Variants in TBCEL observed in about 807,000 individuals in gnomAD.
TBCEL encodes tubulin-specific chaperone cofactor E-like protein.
Under a neutral mutation model 44.2 loss-of-function variants are expected in TBCEL, and 15 were observed. That is an observed-to-expected ratio of 0.34 (90% CI 0.23 to 0.52). The LOEUF (loss-of-function observed/expected upper bound fraction) is 0.52, where lower values mean the gene tolerates loss of function less well. Among genes scored for constraint, TBCEL ranks in the 20% least tolerant of loss-of-function variants. The pLI is 0.95. For missense variants in TBCEL, 319 were observed against 506.3 expected (o/e 0.63, Z 3.55); for synonymous variants, 171 against 185.4 (o/e 0.92, Z 0.63).
intron 8 of TBCEL, among the ~76,000 whole-genome samples, chr11:121,075,071 A>G (rs996101865): frequency 6.6e-6 from 1 of 151,940 alleles, no homozygotes; most frequent in Non-Finnish European, 1.5e-5. Flanking sequence ...TAACATACAC[A>G]CAAGGGCGTG....
rs554789702 is a variant in TBCEL, at chr11:121,065,880, C to T, written c.956+5795C>T. Among the ~76,000 whole-genome samples, 355 of 152,326 alleles carry T rather than the reference C, an allele frequency of 2.3e-3. 5 individuals are homozygous for T. Among genetic ancestry groups the T allele is most frequent in the Middle Eastern group, 0.017 (5 of 294 alleles). ...GAGGGCTTACAGAATCCCTTCAACACTAATATGATATTTACTGGCCTCTTC... is the reference window on the plus strand; with the variant it reads ...GAGGGCTTACAGAATCCCTTCAACATTAATATGATATTTACTGGCCTCTTC... On this transcript the variant is annotated intron_variant, in intron 8 of 8. Transcript: ENST00000683345.
At chr11:121,047,705 G>T (rs751189051) in intron 4 of TBCEL, 38 bp downstream of exon 4, 1 of 1,606,342 alleles carries the variant, frequency 6.2e-7, no homozygotes, top group South Asian at 1.1e-5. Context: ...GTGAAAAGCA[G>T]CAATAACCAT....
In TBCEL at chr11:121,060,105, C is replaced by T. The variant is rs765250285; in HGVS notation, c.956+20C>T. On this transcript the variant is annotated intron_variant, in intron 8 of 8. Coordinates refer to ENST00000683345, the MANE Select transcript of TBCEL (RefSeq NM_001363644.2). ...ATTCAGGTAAAAAATTCCCCATTGG[C>T]CAAACACTTTAGAGGGTGGTGATGC... is the stretch of plus-strand genomic sequence containing the variant. The T allele has an allele frequency of 9.6e-6, 15 of 1,569,858 alleles. No homozygotes were observed. Among genetic ancestry groups the T allele is most frequent in the Non-Finnish European group, 1.3e-5 (15 of 1,141,576 alleles).
chr11:121,058,615 C>T (rs920042367), intron 7 of TBCEL, 144 bp downstream of exon 7: 3 of 1,014,922 alleles, frequency 3.0e-6, no homozygotes, highest in Non-Finnish European at 4.4e-6. Flanking sequence ...CCTGTAGCTC[C>T]AAATCCTGGA....
chr11:121,059,434 G>A (rs1366890059), intron 7 of TBCEL, among the ~76,000 whole-genome samples: 1 of 151,824 alleles, frequency 6.6e-6, no homozygotes, highest in African/African-American at 2.4e-5. Flanking sequence ...GCTATGTGTG[G>A]CTATGAGTAC....
chr11:121,025,661 T>A (rs1197459282), intron 1 of TBCEL, among the ~76,000 whole-genome samples: 1 of 152,112 alleles, frequency 6.6e-6, no homozygotes, highest in African/African-American at 2.4e-5. Flanking sequence ...TTGGTGTCAA[T>A]CAGTGTCCTC....
intron 1 of TBCEL, among the ~76,000 whole-genome samples, chr11:121,030,871 GA>G (rs1384200048): frequency 4.7e-5 from 6 of 127,018 alleles, no homozygotes; most frequent in African/African-American, 6.7e-5. Flanking sequence ...ATATTCTTGT[GA>G]TTTTTTTTTT....
At chr11:121,052,511 C>T (rs1945546879) in intron 4 of TBCEL, among the ~76,000 whole-genome samples, 1 of 151,878 alleles carries the variant, frequency 6.6e-6, no homozygotes, top group African/African-American at 2.4e-5. Flanking sequence ...CTAATCCTAA[C>T]TACTCTTTTC....
chr11:121,072,379 G>A (rs1043878809), intron 8 of TBCEL, among the ~76,000 whole-genome samples: 1 of 152,046 alleles, frequency 6.6e-6, no homozygotes, highest in African/African-American at 2.4e-5. Context: ...AAAAAATATT[G>A]AGAGTAATAA....
intron 6 of TBCEL, chr11:121,057,556 T>C (rs768355548): frequency 2.9e-5 from 13 of 453,824 alleles, no homozygotes; most frequent in South Asian, 1.9e-4. Context: ...CCCTCCATAT[T>C]CATGGACTTC....
At chr11:121,058,286 T>TGG in intron 6 of TBCEL, 59 bp from the exon 7 acceptor site, 1 of 1,577,658 alleles carries the variant, frequency 6.3e-7, no homozygotes, top group Middle Eastern at 1.7e-4. Flanking sequence ...TTTTGCTATG[T>TGG]TTCTCTTCTT....
At chr11:121,074,775 G>A (rs1157643469) in intron 8 of TBCEL, among the ~76,000 whole-genome samples, 1 of 151,878 alleles carries the variant, frequency 6.6e-6, no homozygotes, top group Non-Finnish European at 1.5e-5. Flanking sequence ...TCTGTTTTCT[G>A]TCCCTGCTGT....
intron 1 of TBCEL, among the ~76,000 whole-genome samples, chr11:121,029,787 G>A (rs1025625391): frequency 2.0e-5 from 3 of 151,818 alleles, no homozygotes; most frequent in Non-Finnish European, 4.4e-5. Flanking sequence ...TTCTCATTCT[G>A]CCATTGGTGA....
chr11:121,032,155 C>A (rs907864356), intron 1 of TBCEL, among the ~76,000 whole-genome samples: 1 of 152,030 alleles, frequency 6.6e-6, no homozygotes, highest in African/African-American at 2.4e-5. Context: ...TTCATCTTTT[C>A]CCAGATTGTT....
chr11:121,085,513 G>A (rs1279532222), intron 8 of TBCEL, among the ~76,000 whole-genome samples: 1 of 152,066 alleles, frequency 6.6e-6, no homozygotes, highest in African/African-American at 2.4e-5. Context: ...TTACTAATGA[G>A]GAAATTGAGA....
chr11:121,045,860 A>C (rs1467922986), intron 3 of TBCEL, 37 bp downstream of exon 3: 8 of 1,513,542 alleles, frequency 5.3e-6, no homozygotes, highest in Non-Finnish European at 7.1e-6. Flanking sequence ...TATTTAGTGG[A>C]GCTTACTTAG....
chr11:121,054,033 A>G (rs1325637477), intron 5 of TBCEL, among the ~76,000 whole-genome samples: 1 of 151,818 alleles, frequency 6.6e-6, no homozygotes, highest in African/African-American at 2.4e-5. Flanking sequence ...TAATCTTCTG[A>G]TATGAGAATT....
intron 2 of TBCEL, 86 bp from the exon 3 acceptor site, chr11:121,045,588 T>G: frequency 1.7e-6 from 2 of 1,156,902 alleles, no homozygotes; most frequent in Non-Finnish European, 2.4e-6. Flanking sequence ...AGTCTAGTAC[T>G]TTATACATAA....
intron 8 of TBCEL, among the ~76,000 whole-genome samples, chr11:121,080,880 G>A (rs1946112580): frequency 6.6e-6 from 1 of 152,340 alleles, no homozygotes; most frequent in South Asian, 2.1e-4. Context: ...AAAATCTGCT[G>A]TTATGTAACA....
Sources: gnomAD v4.1 joint callset for allele counts (sites outside exome capture counted in the v4.1 genomes callset) on GRCh38, gnomAD v4.1.1 for gene constraint, MANE v1.5 for transcripts, NCBI Gene and HGNC (gene_info 2026-07-23, HGNC 2026-07-21) for gene names.